Variants in CPNE5 observed in about 807,000 individuals in gnomAD.
CPNE5 encodes copine 5.
CPNE5 carries 42 observed loss-of-function variants against 81.1 expected under a neutral mutation model. The observed-to-expected ratio is 0.52, with a 90% CI of 0.40 to 0.67. The LOEUF is 0.67. Ranked by LOEUF, CPNE5 falls within the 30% of genes least tolerant of loss-of-function variation. The pLI is 0.00. For missense variants in CPNE5, 612 were observed against 815.5 expected (o/e 0.75, Z 3.04); for synonymous variants, 313 against 321.5 (o/e 0.97, Z 0.28).
At chr6:36,772,008 C>T (rs1033449189) in intron 10 of CPNE5, among the ~76,000 whole-genome samples, 1 of 152,090 alleles carries the variant, frequency 6.6e-6, no homozygotes, top group African/African-American at 2.4e-5. Flanking sequence ...GCCTGCCCCT[C>T]CCACCAAATA....
At chr6:36,770,057 G>A (rs1043454394) in intron 10 of CPNE5, among the ~76,000 whole-genome samples, 3 of 152,192 alleles carry the variant, frequency 2.0e-5, no homozygotes, top group Non-Finnish European at 4.4e-5. Flanking sequence ...AAGAGAGTAG[G>A]GCAAATTCCA....
chr6:36,789,384 G>A (rs529775612), intron 8 of CPNE5, among the ~76,000 whole-genome samples: 47 of 152,282 alleles, frequency 3.1e-4, no homozygotes, highest in African/African-American at 8.2e-4. Context: ...GACCAGTAAC[G>A]GCCACCAGCA....
At chr6:36,824,825 A>G (rs1772365080) in intron 1 of CPNE5, among the ~76,000 whole-genome samples, 1 of 152,218 alleles carries the variant, frequency 6.6e-6, no homozygotes, top group South Asian at 2.1e-4. Context: ...ATGCGCCTGT[A>G]ATCCCAACTA....
intron 3 of CPNE5, among the ~76,000 whole-genome samples, chr6:36,801,590 A>AC (rs1770104854): frequency 6.6e-6 from 1 of 152,190 alleles, no homozygotes; most frequent in Admixed American, 6.5e-5. Context: ...TGAAGTTTAA[A>AC]CCCACTGCAT....
intron 14 of CPNE5, among the ~76,000 whole-genome samples, chr6:36,751,602 C>T (rs1045564453): frequency 1.6e-4 from 25 of 152,124 alleles, no homozygotes; most frequent in African/African-American, 6.0e-4. Flanking sequence ...CCAGCCTGGC[C>T]AAAATGGTGA....
upstream of CPNE5, chr6:36,839,508 C>A (rs1773841929): frequency 4.6e-6 from 3 of 658,240 alleles, no homozygotes; most frequent in South Asian, 7.8e-5. This position sits in a 1 kb window ranked among gnomAD's most constrained non-coding sequence, Gnocchi z 7.3. Context: ...GAGAGAGGAG[C>A]GCGAAGAGGG....
chr6:36,780,091 G>C (rs1392446855), intron 8 of CPNE5, among the ~76,000 whole-genome samples: 1 of 151,888 alleles, frequency 6.6e-6, no homozygotes, highest in African/African-American at 2.4e-5. Flanking sequence ...AGCCTCCCGA[G>C]TAGCTGGGAC....
At chr6:36,781,911 G>C (rs1433757456) in intron 8 of CPNE5, among the ~76,000 whole-genome samples, 2 of 152,028 alleles carry the variant, frequency 1.3e-5, no homozygotes, top group African/African-American at 4.8e-5. Context: ...GATTCCCAGG[G>C]GAGCAGCGGG....
Position 36,761,482 on chromosome 6 carries a change from C to T in CPNE5, c.855+1435G>A, listed in dbSNP as rs929824061. ...AACACAAGACCTGCCCACTCAGAAC[C>T]GACATGCAGGGCAAAGGAGTGGGGG... On this transcript the variant is annotated intron_variant, in intron 12 of 20. Transcript: ENST00000244751. Among the ~76,000 whole-genome samples the T allele has an allele frequency of 2.0e-4, 31 of 152,302 alleles. 1 individual carries two copies. The highest frequency in any genetic ancestry group is 1.9e-4 in the East Asian group (1 of 5,180).
chr6:36,836,022 G>T (rs1483060081), intron 1 of CPNE5, among the ~76,000 whole-genome samples: 1 of 152,172 alleles, frequency 6.6e-6, no homozygotes, highest in African/African-American at 2.4e-5. Flanking sequence ...CAGCTTAGTA[G>T]CTTACCCAAG....
rs1162179105 is a variant in CPNE5 at position 36,839,440 on chromosome 6, C to T, written c.-63G>A. ...TGCGCGATTCACGCCTCCTCCGGAG[C>T]GACTGGAGCCCTGGGCTCTCCCCCA... is the stretch of plus-strand genomic sequence containing the variant. On this transcript the variant is annotated 5_prime_UTR_variant, in exon 1 of 21. Transcript: ENST00000244751. This position sits in a 1 kb window ranked among gnomAD's most constrained non-coding sequence, Gnocchi z 7.3. The T allele has an allele frequency of 1.5e-6, 2 of 1,376,930 alleles. No individual in the cohort carries two copies. Among genetic ancestry groups the T allele is most frequent in the African/African-American group, 1.5e-5 (1 of 68,592 alleles). 85.3% of individuals were successfully genotyped at this position (1,376,930 alleles called of 1,614,324 possible).
chr6:36,792,102 AGAGG>A lies in CPNE5; in HGVS notation c.465-10_465-7del. The A allele has an allele frequency of 6.2e-7, 1 of 1,613,314 alleles. No individual in the cohort carries two copies. The highest frequency in any genetic ancestry group is 8.5e-7 in the Non-Finnish European group (1 of 1,179,312). On this transcript the variant is annotated splice_region_variant and splice_polypyrimidine_tract_variant and intron_variant, in intron 7 of 20. Transcript: ENST00000244751. ...ATTTCTTTCCTGGGACACCACTGGGAGAGGAGAAGATGAAAGAATGGAAAGCCAG... is the reference window on the plus strand; with the variant it reads ...ATTTCTTTCCTGGGACACCACTGGGAAGAAGATGAAAGAATGGAAAGCCAG...
intron 10 of CPNE5, among the ~76,000 whole-genome samples, chr6:36,770,389 A>G (rs1297475019): frequency 6.6e-6 from 1 of 152,226 alleles, no homozygotes; most frequent in African/African-American, 2.4e-5. Context: ...TTAAATTCAC[A>G]AAATAAGATA....
intron 12 of CPNE5, among the ~76,000 whole-genome samples, chr6:36,761,681 C>T (rs1766039853): frequency 6.6e-6 from 1 of 152,198 alleles, no homozygotes; most frequent in Admixed American, 6.5e-5. Flanking sequence ...ACCTCTGGGT[C>T]AGGCATTGTT....
chr6:36,749,408 T>C (rs533472490), intron 14 of CPNE5, among the ~76,000 whole-genome samples: 63 of 152,234 alleles, frequency 4.1e-4, no homozygotes, highest in African/African-American at 1.4e-3. Flanking sequence ...TATAAGATAA[T>C]TGGGGAGATG....
chr6:36,743,642 G>A lies in CPNE5; in HGVS notation c.1563+47C>T, dbSNP rs377671937. 6.4e-6 allele frequency: 10 copies of A among 1,571,462 alleles called. No individual in the cohort carries two copies. In the African/African-American group the frequency reaches 1.2e-4, roughly 19 times the overall value. ...AGGGGGTGTGAGGTCCGCCTGGCTA[G>A]AGGGGCTCTTGAATTTCCCATGGGG... is the stretch of plus-strand genomic sequence containing the variant. On this transcript the variant is annotated intron_variant, in intron 20 of 20. Coordinates refer to ENST00000244751, the MANE Select transcript of CPNE5 (RefSeq NM_020939.2).
Position 36,745,142 on chromosome 6 carries a change from G to A in CPNE5, c.1337C>T (p.Ala446Val). 1.2e-6 allele frequency: 2 copies of A among 1,612,970 alleles called. No homozygotes were observed. The highest frequency in any genetic ancestry group is 2.2e-5 in the South Asian group (2 of 91,060). ...GTACTGGGAGCCATCCTGCACGGCC[G>A]CTGCATTCCTGGGTGGGGCAGGTGT... ...PVVTHVARNAAAVQDGSQYSV... is the reference protein window; with the variant it reads ...PVVTHVARNAVAVQDGSQYSV... Residue 446 changes from alanine (A) to valine (V), a missense_variant, in exon 18 of 21, where the codon GCG becomes GTG. Coordinates refer to ENST00000244751, the MANE Select transcript of CPNE5 (RefSeq NM_020939.2).
At chr6:36,797,956 A>G (rs954524791) in intron 6 of CPNE5, among the ~76,000 whole-genome samples, 1 of 152,016 alleles carries the variant, frequency 6.6e-6, no homozygotes, top group Non-Finnish European at 1.5e-5. Context: ...TTCCCAGGAG[A>G]TGGGACTCTA....
intron 3 of CPNE5, among the ~76,000 whole-genome samples, chr6:36,805,462 T>G (rs907194785): frequency 6.6e-6 from 1 of 152,138 alleles, no homozygotes; most frequent in African/African-American, 2.4e-5. Context: ...CACCAAACAC[T>G]GGTAAGCACA....
Sources: allele counts gnomAD v4.1 joint callset (sites outside exome capture counted in the v4.1 genomes callset), GRCh38; gene constraint gnomAD v4.1.1; non-coding constraint Gnocchi (gnomAD v3.1); transcripts MANE v1.5; gene names NCBI Gene and HGNC (gene_info 2026-07-23, HGNC 2026-07-21).